The following MCCC1 variants were observed in gnomAD, a reference collection of about 807,000 sequenced individuals.
The protein encoded by MCCC1 is methylcrotonoyl-CoA carboxylase subunit alpha, mitochondrial.
Under a neutral mutation model 83.8 loss-of-function variants are expected in MCCC1, and 64 were observed. The ratio of observed to expected loss-of-function variants is 0.76; its 90% CI spans 0.62 to 0.94. The LOEUF (loss-of-function observed/expected upper bound fraction) is 0.94, where lower values mean the gene tolerates loss of function less well. Among genes scored for constraint, MCCC1 ranks in the 40% least tolerant of loss-of-function variants. The pLI, the probability that MCCC1 is intolerant of heterozygous loss-of-function variation, is 0.00. For missense variants in MCCC1, 807 were observed against 904.7 expected (o/e 0.89, Z 1.39); for synonymous variants, 322 against 315.4 (o/e 1.02, Z -0.22).
At chr3:183,100,494 T>A (rs1719164164), upstream of MCCC1, among the ~76,000 whole-genome samples, 1 of 152,070 alleles carries the variant, frequency 6.6e-6, no homozygotes, top group South Asian at 2.1e-4. Context: ...CACAAATGAG[T>A]AATTGACTCA....
At chr3:183,105,296 G>A (rs1719386147) in intron 1 of MCCC1, among the ~76,000 whole-genome samples, 1 of 152,066 alleles carries the variant, frequency 6.6e-6, no homozygotes, top group African/African-American at 2.4e-5. Flanking sequence ...GTGAGCTGAG[G>A]TCACGCCATT....
At position 183,077,799 on chromosome 3, in the gene MCCC1, G is replaced by C. The variant is rs568160130; in HGVS notation, c.370-5312C>G. ...TTTTTTTGTTTAAGGTGTGAGGCAA[G>C]AGTCTAGGATCTAGACTTCGGGTTC... is the stretch of plus-strand genomic sequence containing the variant. On this transcript the variant is annotated intron_variant, in intron 4 of 18. Coordinates refer to ENST00000265594, the MANE Select transcript of MCCC1 (RefSeq NM_020166.5). Among the ~76,000 whole-genome samples, 11 of 152,234 alleles carry C rather than the reference G, an allele frequency of 7.2e-5. No individual in the cohort carries two copies. In the South Asian group the frequency reaches 1.7e-3, roughly 23 times the overall value.
At chr3:183,094,876 A>C (rs1718627241) in intron 1 of MCCC1, among the ~76,000 whole-genome samples, 1 of 152,172 alleles carries the variant, frequency 6.6e-6, no homozygotes, top group African/African-American at 2.4e-5. Flanking sequence ...TAAACAACCA[A>C]GGTATACCAA....
intron 1 of MCCC1, among the ~76,000 whole-genome samples, chr3:183,114,639 T>A (rs1439486423): frequency 6.6e-6 from 1 of 152,142 alleles, no homozygotes; most frequent in Non-Finnish European, 1.5e-5. Flanking sequence ...TCCTCTCAAG[T>A]CCCTTTGGGG....
rs376539910 is a variant in MCCC1 at position 183,072,330 on chromosome 3, T to C, written c.491+36A>G. ...TGGCCCAAACTATTTCAACTGACCT[T>C]CATACAGTTATATTTTAAAAGATAT... On this transcript the variant is annotated intron_variant, in intron 5 of 18. Coordinates refer to ENST00000265594, the MANE Select transcript of MCCC1 (RefSeq NM_020166.5). The C allele has an allele frequency of 1.1e-5, 17 of 1,610,982 alleles. No individual in the cohort carries two copies. The highest frequency in any genetic ancestry group is 8.0e-5 in the African/African-American group (6 of 74,818).
chr3:183,032,946 G>T (rs1263679180), intron 14 of MCCC1, among the ~76,000 whole-genome samples: 1 of 151,970 alleles, frequency 6.6e-6, no homozygotes, highest in Non-Finnish European at 1.5e-5. Context: ...ATTTTCCTCT[G>T]TCCAAGGAAG....
intron 1 of MCCC1, among the ~76,000 whole-genome samples, chr3:183,114,657 G>T (rs1420266720): frequency 6.6e-6 from 1 of 152,294 alleles, no homozygotes; most frequent in East Asian, 1.9e-4. Flanking sequence ...GGGGAAGAAG[G>T]GGAAGAATCT....
chr3:183,071,754 T>G (rs976013923), intron 5 of MCCC1, among the ~76,000 whole-genome samples: 6 of 151,410 alleles, frequency 4.0e-5, no homozygotes, highest in African/African-American at 1.5e-4. Context: ...CATGCCAGAG[T>G]GCAGTGGTGC....
intron 1 of MCCC1, among the ~76,000 whole-genome samples, chr3:183,107,655 G>A (rs1719428729): frequency 6.6e-6 from 1 of 151,776 alleles, no homozygotes; most frequent in African/African-American, 2.4e-5. Flanking sequence ...TGATTCTCAT[G>A]CCTCAGCCTC....
At chr3:183,038,615 G>A (rs1345415475) in intron 12 of MCCC1, among the ~76,000 whole-genome samples, 6 of 152,172 alleles carry the variant, frequency 3.9e-5, no homozygotes. Flanking sequence ...TTACTTTAGA[G>A]AAAAACTACT....
At chr3:183,073,642 G>GT (rs1388755627) in intron 4 of MCCC1, among the ~76,000 whole-genome samples, 1 of 152,196 alleles carries the variant, frequency 6.6e-6, no homozygotes, top group East Asian at 1.9e-4. Flanking sequence ...GTGGCCATAA[G>GT]TTTTGCAGTT....
chr3:183,054,054 A>C (rs1306179417), intron 8 of MCCC1, among the ~76,000 whole-genome samples: 1 of 141,002 alleles, frequency 7.1e-6, no homozygotes, highest in Non-Finnish European at 1.5e-5. Context: ...GATAATTTTT[A>C]TATTTTTAGT....
chr3:183,063,405 C>T (rs1560248340), intron 7 of MCCC1, among the ~76,000 whole-genome samples: 1 of 152,148 alleles, frequency 6.6e-6, no homozygotes, highest in Non-Finnish European at 1.5e-5. Flanking sequence ...CTTTCAGATA[C>T]ACTAAATAGT....
chr3:183,035,986 C>T (rs1201436030), intron 13 of MCCC1, among the ~76,000 whole-genome samples: 1 of 140,198 alleles, frequency 7.1e-6, no homozygotes, highest in African/African-American at 2.6e-5. Context: ...CTCCCCCCAC[C>T]CCACGACAGG....
At chr3:183,109,080 C>T (rs1719450286) in intron 1 of MCCC1, among the ~76,000 whole-genome samples, 1 of 152,156 alleles carries the variant, frequency 6.6e-6, no homozygotes, top group African/African-American at 2.4e-5. Context: ...CAACCTCCGC[C>T]TCCTGGATTC....
At chr3:183,017,019 C>T in intron 18 of MCCC1, 1 of 534,794 alleles carries the variant, frequency 1.9e-6, no homozygotes, top group East Asian at 3.3e-5. Context: ...TGGATTATCG[C>T]CTGATTCCAA....
chr3:183,094,712 C>A, intron 1 of MCCC1, 107 bp from the exon 2 acceptor site: 1 of 1,100,518 alleles, frequency 9.1e-7, no homozygotes. Context: ...AGCCAACTAA[C>A]AGTGCTTTAG....
upstream of MCCC1, among the ~76,000 whole-genome samples, chr3:183,103,063 C>T (rs1402770338): frequency 6.6e-6 from 1 of 151,852 alleles, no homozygotes; most frequent in Admixed American, 6.6e-5. Flanking sequence ...TGTTACAGCT[C>T]TTAAGGTGGC....
In MCCC1 at chr3:183,072,469, C is replaced by T. The variant is rs202197951; in HGVS notation, c.388G>A (p.Gly130Ser). 24 of 1,613,754 alleles carry T rather than the reference C, an allele frequency of 1.5e-5. No homozygotes were observed. The highest frequency in any genetic ancestry group is 5.0e-5 in the Admixed American group (3 of 59,988). Residue 130 changes from glycine (G) to serine (S), a missense_variant, in exon 5 of 19, where the codon GGT becomes AGT. By Grantham distance (56) the Gly-to-Ser change is moderately conservative. Coordinates refer to ENST00000265594, the MANE Select transcript of MCCC1 (RefSeq NM_020166.5). ...SAAQAIHPGCGFLSENMEFAE... is the reference protein window; with the variant it reads ...SAAQAIHPGCSFLSENMEFAE... Reference sequence around the variant, plus strand: ...AATTCCATGTTTTCTGAGAGAAAACCGCATCCTGGATGGATAGCCTAGAAA... The same window carrying T: ...AATTCCATGTTTTCTGAGAGAAAACTGCATCCTGGATGGATAGCCTAGAAA...
Sources: allele counts gnomAD v4.1 joint callset (sites outside exome capture counted in the v4.1 genomes callset), GRCh38; gene constraint gnomAD v4.1.1; transcripts MANE v1.5; gene names NCBI Gene and HGNC (gene_info 2026-07-23, HGNC 2026-07-21).